Variants in USP43 observed in about 807,000 individuals in gnomAD.
USP43 encodes the protein ubiquitin specific peptidase 43.
A neutral mutation model predicts 90.7 loss-of-function variants in USP43; 33 were observed. The observed-to-expected ratio is 0.36, with a 90% CI of 0.28 to 0.49. USP43 has a LOEUF of 0.49. Among genes scored for constraint, USP43 ranks in the 20% least tolerant of loss-of-function variants. The probability of loss-of-function intolerance (pLI) is 0.98; values close to 1 mark genes in which losing one functional copy is unlikely to be tolerated. For missense variants in USP43, 1,274 were observed against 1,476.4 expected (o/e 0.86, Z 2.25); for synonymous variants, 598 against 615.8 (o/e 0.97, Z 0.43).
intron 12 of USP43, among the ~76,000 whole-genome samples, chr17:9,708,923 G>A (rs765710441): frequency 1.8e-4 from 28 of 152,066 alleles, no homozygotes; most frequent in Admixed American, 5.9e-4. Context: ...CACCACGCCC[G>A]GCCTGTTTTT....
At chr17:9,693,351 T>G in intron 9 of USP43, 121 bp downstream of exon 9, 1 of 807,196 alleles carries the variant, frequency 1.2e-6, no homozygotes, top group South Asian at 1.7e-5. Flanking sequence ...CACTTACCTC[T>G]CCAGTACCAG....
chr17:9,651,463 A>T lies in USP43; in HGVS notation c.505-4940A>T, dbSNP rs576074527. On this transcript the variant is annotated intron_variant, in intron 1 of 14. Transcript: ENST00000285199. The stretch of plus-strand genomic sequence containing the variant: ...CCCAGCCCATCTGCTCAATGTTCTT[A>T]TGCATCTATCTATTCTGCTTTGGTC... 9.2e-5 allele frequency among the ~76,000 whole-genome samples: 14 copies of T among 152,212 alleles called. No individual in the cohort carries two copies. The South Asian group carries it at 2.9e-3, about 32-fold the overall frequency.
chr17:9,656,230 C>T (rs754557577), intron 1 of USP43, among the ~76,000 whole-genome samples, 173 bp from the exon 2 acceptor site: 2 of 152,118 alleles, frequency 1.3e-5, no homozygotes, highest in South Asian at 4.1e-4. Context: ...GGGGACATTG[C>T]CCCAAAAGGA....
chr17:9,664,762 C>T (rs1912904151), intron 2 of USP43, among the ~76,000 whole-genome samples: 1 of 151,866 alleles, frequency 6.6e-6, no homozygotes, highest in Admixed American at 6.6e-5. Context: ...CTCAGCCTCC[C>T]GAGTAGCCGG....
chr17:9,661,211 G>A (rs1912616162), intron 2 of USP43, among the ~76,000 whole-genome samples: 1 of 152,130 alleles, frequency 6.6e-6, no homozygotes, highest in Admixed American at 6.6e-5. Context: ...CTTTTTGTCA[G>A]TTTGCTTTCC....
intron 9 of USP43, among the ~76,000 whole-genome samples, chr17:9,696,479 GC>G (rs1353173364): frequency 1.3e-5 from 2 of 151,984 alleles, no homozygotes; most frequent in Non-Finnish European, 2.9e-5. Context: ...CTGCCTTTAG[GC>G]CAAAGTCTCC....
At chr17:9,658,819 C>G (rs1228635330) in intron 2 of USP43, among the ~76,000 whole-genome samples, 5 of 152,210 alleles carry the variant, frequency 3.3e-5, no homozygotes, top group African/African-American at 1.2e-4. Flanking sequence ...GTCAACAGGT[C>G]TTTGACTATG....
At chr17:9,718,502 A>G (rs944785155) in intron 14 of USP43, among the ~76,000 whole-genome samples, 3 of 152,168 alleles carry the variant, frequency 2.0e-5, no homozygotes, top group Admixed American at 6.5e-5. Context: ...ATGAGTAGAC[A>G]TGACACTCAT....
At chr17:9,717,792 A>G (rs910436938) in intron 14 of USP43, among the ~76,000 whole-genome samples, 30 of 149,854 alleles carry the variant, frequency 2.0e-4, no homozygotes, top group Non-Finnish European at 4.4e-4. Flanking sequence ...AAATGTATGT[A>G]TAGCTCACAT....
intron 1 of USP43, among the ~76,000 whole-genome samples, chr17:9,652,551 CGG>C (rs1911947533): frequency 2.0e-5 from 3 of 151,864 alleles, no homozygotes; most frequent in Non-Finnish European, 4.4e-5. Context: ...TTAGTAGAGA[CGG>C]GGTTTCACCT....
intron 9 of USP43, among the ~76,000 whole-genome samples, chr17:9,699,299 A>C (rs1335067256): frequency 6.7e-6 from 1 of 148,496 alleles, no homozygotes; most frequent in Non-Finnish European, 1.5e-5. Flanking sequence ...TTCCCAATGC[A>C]TCAGGGCTCC....
intron 14 of USP43, among the ~76,000 whole-genome samples, chr17:9,718,324 C>T (rs1372759101): frequency 6.6e-6 from 1 of 152,090 alleles, no homozygotes. Context: ...AGGCATGTAC[C>T]AGACTCTGGT....
chr17:9,714,817 G>A (rs1036778143), intron 14 of USP43, among the ~76,000 whole-genome samples: 1 of 152,140 alleles, frequency 6.6e-6, no homozygotes, highest in Admixed American at 6.6e-5. Flanking sequence ...AACCAGGTGA[G>A]TGTGGTTGAC....
In USP43 at chr17:9,656,424, T is replaced by C; in HGVS notation, c.526T>C (p.Ser176Pro). 1.2e-6 allele frequency: 2 copies of C among 1,611,212 alleles called. No individual in the cohort carries two copies. Among genetic ancestry groups the C allele is most frequent in the Non-Finnish European group, 1.7e-6 (2 of 1,178,854 alleles). Residue 176 changes from serine (S) to proline (P), a missense_variant, in exon 2 of 15, where the codon TCT becomes CCT. Physicochemically the swap from Ser to Pro is moderately conservative, Grantham distance 74 (BLOSUM62 -1). Transcript: ENST00000285199. Reference sequence around the variant, plus strand: ...TCAGAATGCAGTTTCCAAGTACGGCTCTCAGTTCCAAGGCAATTCCCAGCA... The same window carrying C: ...TCAGAATGCAGTTTCCAAGTACGGCCCTCAGTTCCAAGGCAATTCCCAGCA... ...EFKNAVSKYG[S>P]QFQGNSQHDA...
At chr17:9,703,629 G>T (rs565715797) in intron 12 of USP43, among the ~76,000 whole-genome samples, 22 of 152,160 alleles carry the variant, frequency 1.4e-4, no homozygotes, top group Non-Finnish European at 2.2e-4. Flanking sequence ...GGAAAGAGGG[G>T]ACTGGCGAGG....
At position 9,712,080 on chromosome 17, in the gene USP43, C is replaced by G. The variant is rs532430703; in HGVS notation, c.2283C>G (p.Pro761=). ...SWSSAPCPSL[P]QVPDSPIFTN... ...GCTCTGCCCCCTGCCCCTCCCTGCC[C>G]CAGGTTCCTGACTCTCCCATCTTCA... Residue 761 remains proline, a synonymous_variant, in exon 14 of 15, where the codon CCC becomes CCG. Coordinates refer to ENST00000285199, the MANE Select transcript of USP43 (RefSeq NM_153210.5). 1 of 1,610,814 alleles carries G rather than the reference C, an allele frequency of 6.2e-7. No homozygotes were observed. Among genetic ancestry groups the G allele is most frequent in the African/African-American group, 1.3e-5 (1 of 74,816 alleles).
In USP43 at chr17:9,728,973, C is replaced by T; in HGVS notation, c.3355C>T (p.Pro1119Ser). The part of the protein sequence containing the change: ...TLSLGRKKTL[P>S]ESSF ...TTCTTTAGGTCGAAAGAAAACCTTA[C>T]CGGAGTCCAGCTTTTGATGGAGCGT... Residue 1119 changes from proline (P) to serine (S), a missense_variant, in exon 15 of 15, where the codon CCG (proline) becomes TCG (serine). Transcript: ENST00000285199. The surrounding 1 kb of genome is among the most constrained non-coding windows in gnomAD (Gnocchi z 6.2). 4 of 1,573,422 alleles carry T rather than the reference C, an allele frequency of 2.5e-6. No individual in the cohort carries two copies. The highest frequency in any genetic ancestry group is 3.5e-6 in the Non-Finnish European group (4 of 1,155,816).
At chr17:9,687,723 A>G (rs1048938082) in intron 8 of USP43, among the ~76,000 whole-genome samples, 2 of 152,156 alleles carry the variant, frequency 1.3e-5, no homozygotes, top group African/African-American at 4.8e-5. Context: ...AATTCCTCAT[A>G]ATTCATGTTC....
intron 9 of USP43, among the ~76,000 whole-genome samples, chr17:9,696,315 G>A (rs1006689891): frequency 6.6e-5 from 10 of 151,956 alleles, no homozygotes; most frequent in African/African-American, 2.2e-4. Flanking sequence ...TTGTATTTTA[G>A]TATAAACGGG....
Sources: gnomAD v4.1 joint callset for allele counts (sites outside exome capture counted in the v4.1 genomes callset) on GRCh38, gnomAD v4.1.1 for gene constraint, Gnocchi (gnomAD v3.1) non-coding constraint, MANE v1.5 for transcripts, NCBI Gene and HGNC (gene_info 2026-07-23, HGNC 2026-07-21) for gene names.